The following PLA2G12B variants were observed in gnomAD, a reference collection of about 807,000 sequenced individuals.
The protein encoded by PLA2G12B is group XIIB secretory phospholipase A2-like protein.
A neutral mutation model predicts 22.3 loss-of-function variants in PLA2G12B; 19 were observed. The ratio of observed to expected loss-of-function variants is 0.85; its 90% CI spans 0.60 to 1.25. The LOEUF is 1.25. PLA2G12B is among the 50% of genes most tolerant of loss of function. The pLI is 0.00. For synonymous variants in PLA2G12B, 81 were observed against 94.9 expected (o/e 0.85, Z 0.85); for missense variants, 191 against 246.6 (o/e 0.77, Z 1.51).
rs1846258503 is a variant in PLA2G12B, at chr10:72,934,939, GAATACCA to G, written c.*671_*677del. Among the ~76,000 whole-genome samples the G allele has an allele frequency of 6.6e-6, 1 of 152,110 alleles. No homozygotes were observed. The highest frequency in any genetic ancestry group is 6.5e-5 in the Admixed American group (1 of 15,270). Reference sequence around the variant, plus strand: ...GACTCTAACACCATTTAGTAACTGGGAATACCAATGGGGTAGGTCACCGGAGGGAAAA... The same window carrying G: ...GACTCTAACACCATTTAGTAACTGGGATGGGGTAGGTCACCGGAGGGAAAA... On this transcript the variant is annotated 3_prime_UTR_variant, in exon 4 of 4. Transcript: ENST00000373032.
intron 1 of PLA2G12B, among the ~76,000 whole-genome samples, chr10:72,943,871 T>G (rs1188066094): frequency 6.6e-6 from 1 of 152,230 alleles, no homozygotes; most frequent in African/African-American, 2.4e-5. Context: ...ATCTGCCTCT[T>G]TTTAGGAGAT....
At chr10:72,937,951 TA>T (rs1345019672) in intron 3 of PLA2G12B, among the ~76,000 whole-genome samples, 1 of 151,646 alleles carries the variant, frequency 6.6e-6, no homozygotes, top group Non-Finnish European at 1.5e-5. Flanking sequence ...CCGTCTCTAC[TA>T]AAAATACAAA....
intron 1 of PLA2G12B, among the ~76,000 whole-genome samples, chr10:72,953,937 A>AG (rs1235506640): frequency 5.9e-5 from 9 of 152,216 alleles, no homozygotes; most frequent in African/African-American, 2.2e-4. Flanking sequence ...TCAGGGACTG[A>AG]GAGCTGGGAG....
chr10:72,950,512 G>A (rs531986656), intron 1 of PLA2G12B, among the ~76,000 whole-genome samples: 10 of 151,798 alleles, frequency 6.6e-5, no homozygotes, highest in South Asian at 4.2e-4. Flanking sequence ...ACTTAATCTC[G>A]CTCTGTTGCC....
At chr10:72,953,171 C>T (rs926105366) in intron 1 of PLA2G12B, among the ~76,000 whole-genome samples, 1 of 152,202 alleles carries the variant, frequency 6.6e-6, no homozygotes, top group Non-Finnish European at 1.5e-5. Flanking sequence ...AGGCATTTTT[C>T]TCTGTGAAAC....
At chr10:72,951,452 CTTTTTTTTTT>C (rs71482537) in intron 1 of PLA2G12B, among the ~76,000 whole-genome samples, 1 of 117,136 alleles carries the variant, frequency 8.5e-6, no homozygotes, top group Non-Finnish European at 1.7e-5. Context: ...GCACAGACTC[CTTTTTTTTTT>C]TTTTTTTTTT....
In PLA2G12B at chr10:72,942,706, G is replaced by C. The variant is rs2132968964; in HGVS notation, c.246C>G (p.Pro82=). ...KAPMPRPGYK[P]QEPNGCGSYF... ...AGGAGCCGCAGCCATTGGGCTCTTG[G>C]GGCTTGTAGCCAGGTCTGGGCATTG... The change falls in exon 2 of 4, where the codon CCC becomes CCG. Residue 82 remains proline (P), a synonymous_variant. Coordinates refer to ENST00000373032, the MANE Select transcript of PLA2G12B (RefSeq NM_032562.5). 1 of 1,607,706 alleles carries C rather than the reference G, an allele frequency of 6.2e-7. No individual in the cohort carries two copies. Among genetic ancestry groups the C allele is most frequent in the South Asian group, 1.1e-5 (1 of 89,426 alleles).
intron 1 of PLA2G12B, among the ~76,000 whole-genome samples, chr10:72,949,753 G>T (rs1380809618): frequency 6.6e-6 from 1 of 152,140 alleles, no homozygotes; most frequent in Non-Finnish European, 1.5e-5. Context: ...CCAGCAGGGG[G>T]ATCACCTGAG....
At chr10:72,941,069 G>T (rs958211832) in intron 3 of PLA2G12B, 100 bp downstream of exon 3, 4 of 1,277,084 alleles carry the variant, frequency 3.1e-6, no homozygotes, top group Non-Finnish European at 4.3e-6. Flanking sequence ...TATTCAGTGA[G>T]CTCTGATGAT....
chr10:72,942,030 T>C (rs1313940795), intron 2 of PLA2G12B, among the ~76,000 whole-genome samples: 1 of 152,048 alleles, frequency 6.6e-6, no homozygotes, highest in Non-Finnish European at 1.5e-5. Flanking sequence ...ACGACTGTAA[T>C]CCCAGCACTT....
chr10:72,939,541 G>A (rs779570690), intron 3 of PLA2G12B, among the ~76,000 whole-genome samples: 4 of 151,878 alleles, frequency 2.6e-5, no homozygotes, highest in Admixed American at 6.6e-5. Context: ...ACAAAGGGAC[G>A]TTTCTGAGCC....
intron 3 of PLA2G12B, among the ~76,000 whole-genome samples, chr10:72,939,895 C>T (rs1407281107): frequency 1.3e-5 from 2 of 152,204 alleles, no homozygotes; most frequent in African/African-American, 2.4e-5. Flanking sequence ...TGATCACATT[C>T]ATGTGGCATA....
At chr10:72,939,310 C>T (rs912920848) in intron 3 of PLA2G12B, among the ~76,000 whole-genome samples, 1 of 152,284 alleles carries the variant, frequency 6.6e-6, no homozygotes, top group Non-Finnish European at 1.5e-5. Flanking sequence ...AAGGAATGGG[C>T]CATCAACCCA....
chr10:72,938,959 T>C (rs1846318943), intron 3 of PLA2G12B, among the ~76,000 whole-genome samples: 1 of 152,198 alleles, frequency 6.6e-6, no homozygotes, highest in South Asian at 2.1e-4. Context: ...CTGACATAGA[T>C]CAGTGGAATA....
At chr10:72,938,208 A>G (rs1484862653) in intron 3 of PLA2G12B, among the ~76,000 whole-genome samples, 1 of 152,152 alleles carries the variant, frequency 6.6e-6, no homozygotes, top group East Asian at 1.9e-4. Context: ...CAACCTAATA[A>G]AGGTCGTCTA....
intron 1 of PLA2G12B, among the ~76,000 whole-genome samples, chr10:72,944,921 ATGT>A (rs1365348105): frequency 1.3e-5 from 2 of 152,186 alleles, no homozygotes; most frequent in East Asian, 3.9e-4. Flanking sequence ...ACACTCCAGA[ATGT>A]TATACACGTC....
intron 1 of PLA2G12B, among the ~76,000 whole-genome samples, chr10:72,946,356 C>T (rs373850495): frequency 3.3e-5 from 5 of 152,278 alleles, no homozygotes; most frequent in South Asian, 2.1e-4. Flanking sequence ...ACCCATTCAT[C>T]GGTTAATAGA....
At chr10:72,944,462 A>C (rs1846410468) in intron 1 of PLA2G12B, among the ~76,000 whole-genome samples, 1 of 152,232 alleles carries the variant, frequency 6.6e-6, no homozygotes, top group Non-Finnish European at 1.5e-5. Context: ...GAATCAACTT[A>C]GTAAATTCTA....
chr10:72,941,813 C>CGTGT (rs57931341), intron 2 of PLA2G12B, among the ~76,000 whole-genome samples: 3 of 148,778 alleles, frequency 2.0e-5, no homozygotes, highest in Non-Finnish European at 4.5e-5. Context: ...TAAGGGTGTG[C>CGTGT]GTGTGTGTGT....
Sources: gnomAD v4.1 joint callset for allele counts (sites outside exome capture counted in the v4.1 genomes callset) on GRCh38, gnomAD v4.1.1 for gene constraint, MANE v1.5 for transcripts, NCBI Gene and HGNC (gene_info 2026-07-23, HGNC 2026-07-21) for gene names.